The following UBR2 variants were observed in gnomAD, a reference collection of about 807,000 sequenced individuals.
The protein encoded by UBR2 is ubiquitin protein ligase E3 component n-recognin 2, also known as E3 ubiquitin-protein ligase UBR2.
Under a neutral mutation model 247.9 loss-of-function variants are expected in UBR2, and 92 were observed. The observed-to-expected ratio is 0.37, with a 90% CI of 0.31 to 0.44. UBR2 has a LOEUF of 0.44. Ranked by LOEUF, UBR2 falls within the 20% of genes least tolerant of loss-of-function variation. The pLI is 1.00. For synonymous variants in UBR2, 672 were observed against 693.5 expected (o/e 0.97, Z 0.49); for missense variants, 1,613 against 2,112.6 (o/e 0.76, Z 4.64).
chr6:42,636,872 C>T, intron 14 of UBR2, 139 bp from the exon 15 acceptor site: 1 of 832,396 alleles, frequency 1.2e-6, no homozygotes, highest in East Asian at 2.7e-5. Context: ...GGAAGAGGGA[C>T]CAAATTTGGG....
At chr6:42,690,359 GTGC>G (rs2151999644) in intron 46 of UBR2, among the ~76,000 whole-genome samples, 1 of 152,346 alleles carries the variant, frequency 6.6e-6, no homozygotes, top group South Asian at 2.1e-4. Context: ...CCCAGTGCTG[GTGC>G]TTCCCACTGT....
intron 44 of UBR2, 29 bp downstream of exon 44, chr6:42,684,900 C>T (rs1483190677): frequency 6.4e-7 from 1 of 1,565,290 alleles, no homozygotes; most frequent in Non-Finnish European, 8.8e-7. Flanking sequence ...ATTGAACATT[C>T]CCTGCCACTG....
At position 42,655,350 on chromosome 6, in the gene UBR2, C is replaced by T. The variant is rs557976254; in HGVS notation, c.2770-271C>T. 1.1e-4 allele frequency among the ~76,000 whole-genome samples: 17 copies of T among 151,240 alleles called. No homozygotes were observed. In the South Asian group the frequency reaches 2.9e-3, roughly 26 times the overall value. ...AAAATTAGCCGGGTGTGGTGGCACG[C>T]GCCTGTAGTCCCAGCTACTCGGGAG... On this transcript the variant is annotated intron_variant, in intron 25 of 46. Transcript: ENST00000372901.
chr6:42,632,066 AAAAAT>A (rs1340638417), intron 11 of UBR2, among the ~76,000 whole-genome samples: 16 of 68,624 alleles, frequency 2.3e-4, no homozygotes, highest in East Asian at 8.2e-4. Flanking sequence ...TAAAAAAAAA[AAAAAT>A]ATATATATAT....
intron 11 of UBR2, among the ~76,000 whole-genome samples, chr6:42,619,220 A>G (rs1179134332): frequency 1.3e-5 from 2 of 151,472 alleles, no homozygotes; most frequent in African/African-American, 4.9e-5. Flanking sequence ...AAGATGAAGT[A>G]AAATCAGATT....
chr6:42,614,225 C>T (rs796639670), intron 8 of UBR2, among the ~76,000 whole-genome samples: 951 of 38,674 alleles, frequency 0.025, 20 homozygotes, highest in Middle Eastern at 0.08. Flanking sequence ...TATACACACA[C>T]ACACACACAC....
chr6:42,643,373 A>G (rs944324703), intron 18 of UBR2, among the ~76,000 whole-genome samples: 7 of 152,156 alleles, frequency 4.6e-5, no homozygotes, highest in Non-Finnish European at 8.8e-5. Flanking sequence ...AGGCGTGTGG[A>G]TCACCTGACG....
At chr6:42,637,916 G>A (rs1243123892) in intron 15 of UBR2, among the ~76,000 whole-genome samples, 9 of 152,136 alleles carry the variant, frequency 5.9e-5, no homozygotes, top group South Asian at 2.1e-4. Flanking sequence ...CTTTAGTTCC[G>A]TTTTAACTCA....
chr6:42,577,632 G>A (rs1055300496), intron 2 of UBR2, among the ~76,000 whole-genome samples: 7 of 146,584 alleles, frequency 4.8e-5, no homozygotes, highest in Admixed American at 2.6e-4. Context: ...AAAATAAAAC[G>A]AGTAGAATAT....
intron 11 of UBR2, among the ~76,000 whole-genome samples, chr6:42,625,615 A>C (rs1795292130): frequency 6.6e-6 from 1 of 151,528 alleles, no homozygotes; most frequent in South Asian, 2.1e-4. Flanking sequence ...ACACTCGGCT[A>C]ATTTTTGTAT....
In UBR2 at chr6:42,612,250, T is replaced by G; in HGVS notation, c.944T>G (p.Leu315Trp). Residue 315 changes from leucine (L) to tryptophan (W), a missense_variant, in exon 8 of 47, where the codon TTG (leucine) becomes TGG (tryptophan). Leu to Trp is a moderately conservative substitution (Grantham distance 61, BLOSUM62 -2). This residue lies in a region of UBR2 where 1,524 missense variants were observed against 1,967.3 expected (regional missense o/e 0.77). Coordinates refer to ENST00000372901, the MANE Select transcript of UBR2 (RefSeq NM_001363705.2). Reference protein sequence around the residue: ...SSIVAHQNFGLKLLSWLGSII... With the variant: ...SSIVAHQNFGWKLLSWLGSII... ...ATTGTCGCACATCAGAATTTTGGTT[T>G]GAAACTTTTGTCTTGGCTGGGAAGT... 1 of 1,542,816 alleles carries G rather than the reference T, an allele frequency of 6.5e-7. No individual in the cohort carries two copies.
intron 8 of UBR2, among the ~76,000 whole-genome samples, chr6:42,614,415 C>CGTACATACATACGTATATAT (rs1554250447): frequency 1.3e-4 from 12 of 89,222 alleles, no homozygotes; most frequent in African/African-American, 5.3e-4. Context: ...TATGTATGTA[C>CGTACATACATACGTATATAT]GTACGTACAT....
Position 42,632,670 on chromosome 6 carries a change from A to C in UBR2, c.1400A>C (p.Gln467Pro), listed in dbSNP as rs553782837. 1.2e-6 allele frequency: 2 copies of C among 1,612,852 alleles called. No homozygotes were observed. The highest frequency in any genetic ancestry group is 1.3e-5 in the African/African-American group (1 of 74,994). The change falls in exon 12 of 47, where the codon CAA (glutamine) becomes CCA (proline). Residue 467 changes from glutamine to proline, a missense_variant. Gln to Pro is a moderately conservative substitution (Grantham distance 76, BLOSUM62 -1). Around this residue, in one of 3 missense-constraint regions of UBR2, gnomAD observed 1,524 missense variants for 1,967.3 expected, o/e 0.77. Coordinates refer to ENST00000372901, the MANE Select transcript of UBR2 (RefSeq NM_001363705.2). ...CAGTTTGAACGATACACTGCTTTAC[A>C]AGCCTTCAAATTTAGGAGAGTACAG... The part of the protein sequence containing the change: ...RFQFERYTAL[Q>P]AFKFRRVQSL...
At chr6:42,582,872 AAGTC>A (rs1267318878) in intron 2 of UBR2, among the ~76,000 whole-genome samples, 1 of 152,020 alleles carries the variant, frequency 6.6e-6, no homozygotes. Flanking sequence ...ATTAAAAAAA[AAGTC>A]AGTGCGTTTT....
chr6:42,656,022 G>A (rs1374591007), intron 26 of UBR2, among the ~76,000 whole-genome samples: 1 of 152,092 alleles, frequency 6.6e-6, no homozygotes, highest in Non-Finnish European at 1.5e-5. Context: ...ATAAAGAAAT[G>A]TGACTTTTTA....
At chr6:42,595,344 A>T (rs1212574950) in intron 4 of UBR2, among the ~76,000 whole-genome samples, 1 of 152,206 alleles carries the variant, frequency 6.6e-6, no homozygotes, top group Non-Finnish European at 1.5e-5. Context: ...TGTATAGTTC[A>T]AGATCCTTCT....
At chr6:42,608,596 C>T (rs887324261) in intron 7 of UBR2, among the ~76,000 whole-genome samples, 1 of 152,168 alleles carries the variant, frequency 6.6e-6, no homozygotes, top group African/African-American at 2.4e-5. Context: ...CACGAGTACA[C>T]TCTAGCCTGG....
chr6:42,662,374 C>T (rs569371575), intron 31 of UBR2, 97 bp downstream of exon 31: 4 of 749,004 alleles, frequency 5.3e-6, no homozygotes, highest in Admixed American at 5.8e-5. Flanking sequence ...AGGAAAAGAA[C>T]TAAAAATGTT....
intron 7 of UBR2, among the ~76,000 whole-genome samples, chr6:42,611,578 T>C (rs1392737582): frequency 1.3e-5 from 2 of 152,090 alleles, no homozygotes; most frequent in Non-Finnish European, 2.9e-5. Flanking sequence ...TCATTTATTA[T>C]TGGTACAGCA....
Sources: allele counts gnomAD v4.1 joint callset (sites outside exome capture counted in the v4.1 genomes callset), GRCh38; gene constraint gnomAD v4.1.1; regional missense constraint gnomAD v4.1.1; transcripts MANE v1.5; gene names NCBI Gene and HGNC (gene_info 2026-07-23, HGNC 2026-07-21).